The following KCNQ1 variants were observed in gnomAD, a reference collection of about 807,000 sequenced individuals.
The protein encoded by KCNQ1 is potassium voltage-gated channel subfamily KQT member 1.
A neutral mutation model predicts 72.4 loss-of-function variants in KCNQ1; 49 were observed. The observed-to-expected ratio is 0.68, with a 90% CI of 0.54 to 0.86. The LOEUF (loss-of-function observed/expected upper bound fraction) is 0.86, where lower values mean the gene tolerates loss of function less well. KCNQ1 is among the 40% of genes least tolerant of loss of function. The probability of loss-of-function intolerance (pLI) is 0.00; values close to 1 mark genes in which losing one functional copy is unlikely to be tolerated. For synonymous variants in KCNQ1, 450 were observed against 412.6 expected (o/e 1.09, Z -1.10); for missense variants, 790 against 945.1 (o/e 0.84, Z 2.15).
intron 2 of KCNQ1, among the ~76,000 whole-genome samples, chr11:2,540,603 T>A (rs1410524416): frequency 6.6e-6 from 1 of 152,234 alleles, no homozygotes; most frequent in Non-Finnish European, 1.5e-5. Context: ...CCAGCTGGCC[T>A]CAGGAGGAGT....
In KCNQ1 at chr11:2,682,475, CGAGTGAGTGAGT is replaced by C. The variant is rs3831584; in HGVS notation, c.1514+20415_1514+20426del. 13 of 393,984 alleles carry C rather than the reference CGAGTGAGTGAGT, an allele frequency of 3.3e-5. No homozygotes were observed. The highest frequency in any genetic ancestry group is 4.9e-5 in the Non-Finnish European group (11 of 224,528). 24.4% of individuals were successfully genotyped at this position (393,984 alleles called of 1,614,324 possible). On this transcript the variant is annotated intron_variant, in intron 11 of 15. Transcript: ENST00000155840. The surrounding 1 kb of genome is among the most constrained non-coding windows in gnomAD (Gnocchi z 5.8). ...TCACGGACCCTCAGTGAATGTTTGA[CGAGTGAGTGAGT>C]GAGTGAGTGAGTGAGTGAGTACTTG... is the stretch of plus-strand genomic sequence containing the variant.
chr11:2,811,506 A>G (rs1847484911), intron 15 of KCNQ1, among the ~76,000 whole-genome samples: 1 of 152,236 alleles, frequency 6.6e-6, no homozygotes, highest in Admixed American at 6.5e-5. Context: ...ACTGCCCTAA[A>G]GGCCGCATGA....
Position 2,687,584 on chromosome 11 carries a change from G to A in KCNQ1, c.1514+25503G>A, listed in dbSNP as rs1447858533. 5.0e-6 allele frequency: 2 copies of A among 398,784 alleles called. No homozygotes were observed. Among genetic ancestry groups the A allele is most frequent in the Non-Finnish European group, 8.8e-6 (2 of 226,178 alleles). The allele number at this position is 398,784 out of a possible 1,614,324, so 24.7% of individuals were successfully genotyped here. A position where few individuals can be genotyped will look rare whatever the true frequency, so the allele number is the denominator to read the frequency against. ...TCTGATGACCCCCTGTCAAGGAGGTGTGACTGAGAAAGGAAGGGGCAGAGA... is the reference window on the plus strand; with the variant it reads ...TCTGATGACCCCCTGTCAAGGAGGTATGACTGAGAAAGGAAGGGGCAGAGA... On this transcript the variant is annotated intron_variant, in intron 11 of 15. Transcript: ENST00000155840. The surrounding 1 kb of genome is among the most constrained non-coding windows in gnomAD (Gnocchi z 5.0).
intron 14 of KCNQ1, 41 bp downstream of exon 14, chr11:2,777,073 A>G (rs1283372158): frequency 5.6e-6 from 9 of 1,603,278 alleles, no homozygotes; most frequent in Non-Finnish European, 6.8e-6. Context: ...AGCAGCCTGC[A>G]ATGGACTCTC....
chr11:2,798,605 G>A (rs79600964), intron 15 of KCNQ1, among the ~76,000 whole-genome samples: 9 of 151,194 alleles, frequency 6.0e-5, no homozygotes, highest in East Asian at 3.9e-4. Context: ...CAAACAGAAC[G>A]AATTTTCTTG....
At position 2,794,254 on chromosome 11, in the gene KCNQ1, C is replaced by T. The variant is rs532879999; in HGVS notation, c.1794+16217C>T. Among the ~76,000 whole-genome samples the T allele has an allele frequency of 5.3e-5, 8 of 152,288 alleles. No homozygotes were observed. In the East Asian group the frequency reaches 9.7e-4, roughly 18 times the overall value. ...CCAGCCCCCAGTCTGCCAGCCCCAC[C>T]GATGAGAACAAGCAGACTGAGGGGA... On this transcript the variant is annotated intron_variant, in intron 15 of 15. Coordinates refer to ENST00000155840, the MANE Select transcript of KCNQ1 (RefSeq NM_000218.3).
chr11:2,822,120 A>T (rs1014925178), intron 15 of KCNQ1, among the ~76,000 whole-genome samples: 14 of 152,152 alleles, frequency 9.2e-5, no homozygotes, highest in Non-Finnish European at 1.9e-4. Flanking sequence ...AAGACGGAGG[A>T]GGGGCCACAG....
rs928963337 is a variant in KCNQ1 at position 2,488,334 on chromosome 11, G to T, written c.387-39594G>T. Among the ~76,000 whole-genome samples, 1 of 152,166 alleles carries T rather than the reference G, an allele frequency of 6.6e-6. No individual in the cohort carries two copies. The highest frequency in any genetic ancestry group is 2.4e-5 in the African/African-American group (1 of 41,448). ...GGTCTGTAGTTTTCTTGTAGTCTTT[G>T]TCTGGCTTTAGTATCAGAGTAATGC... is the stretch of plus-strand genomic sequence containing the variant. On this transcript the variant is annotated intron_variant, in intron 1 of 15. Transcript: ENST00000155840. The surrounding 1 kb of genome is among the most constrained non-coding windows in gnomAD (Gnocchi z 5.1).
intron 1 of KCNQ1, among the ~76,000 whole-genome samples, chr11:2,504,810 T>A (rs1404829914): frequency 6.6e-6 from 1 of 152,086 alleles, no homozygotes; most frequent in Non-Finnish European, 1.5e-5. Flanking sequence ...AAGGGGTAAA[T>A]GTTTGAGGTA....
intron 10 of KCNQ1, chr11:2,632,027 A>G: frequency 2.5e-6 from 1 of 396,294 alleles, no homozygotes; most frequent in East Asian, 3.6e-5. Flanking sequence ...CTAAAAATAC[A>G]AAAACATTAG....
chr11:2,722,251 A>T (rs1367058075), intron 11 of KCNQ1, among the ~76,000 whole-genome samples: 1 of 152,076 alleles, frequency 6.6e-6, no homozygotes, highest in East Asian at 1.9e-4. Context: ...AGGTGTTGAC[A>T]GGTGGAGAGA....
intron 10 of KCNQ1, chr11:2,641,328 C>CT (rs1204131541): frequency 2.5e-6 from 1 of 398,088 alleles, no homozygotes; most frequent in Non-Finnish European, 4.4e-6. Context: ...TAATTTTTGT[C>CT]TTTTTAAAAT....
At chr11:2,535,549 A>T (rs1847715401) in intron 2 of KCNQ1, among the ~76,000 whole-genome samples, 1 of 152,112 alleles carries the variant, frequency 6.6e-6, no homozygotes, top group East Asian at 1.9e-4. Context: ...CTTTAGTGAC[A>T]CTGAAGCTGT....
rs548782408 is a variant in KCNQ1, at chr11:2,657,683, C to T, written c.1394-4278C>T. On this transcript the variant is annotated intron_variant, in intron 10 of 15. Coordinates refer to ENST00000155840, the MANE Select transcript of KCNQ1 (RefSeq NM_000218.3). This position sits in a 1 kb window ranked among gnomAD's most constrained non-coding sequence, Gnocchi z 4.8. ...CAGTTTAACTACTAATGTCCTTTTTCTGTTCCAAGATCCCATCTAGGATCG... is the reference window on the plus strand; with the variant it reads ...CAGTTTAACTACTAATGTCCTTTTTTTGTTCCAAGATCCCATCTAGGATCG... 8 of 398,576 alleles carry T rather than the reference C, an allele frequency of 2.0e-5. No homozygotes were observed. Among genetic ancestry groups the T allele is most frequent in the Non-Finnish European group, 3.5e-5 (8 of 226,040 alleles). The allele number at this position is 398,576 out of a possible 1,614,324, so 24.7% of individuals were successfully genotyped here.
intron 10 of KCNQ1, among the ~76,000 whole-genome samples, chr11:2,591,738 C>T (rs1440491759): frequency 1.3e-5 from 2 of 152,234 alleles, no homozygotes; most frequent in African/African-American, 4.8e-5. Flanking sequence ...AAGTCAGGCG[C>T]CTTTTGTGGA....
intron 11 of KCNQ1, among the ~76,000 whole-genome samples, chr11:2,728,400 C>T (rs1269178115): frequency 6.6e-6 from 1 of 152,248 alleles, no homozygotes; most frequent in Non-Finnish European, 1.5e-5. Flanking sequence ...TGGTTAGCTG[C>T]TTTTTCTATA....
At position 2,609,277 on chromosome 11, in the gene KCNQ1, C is replaced by T. The variant is rs1848935340; in HGVS notation, c.1393+20423C>T. 3 of 398,002 alleles carry T rather than the reference C, an allele frequency of 7.5e-6. No homozygotes were observed. The South Asian group carries it at 3.8e-4, about 51-fold the overall frequency. 24.7% of individuals were successfully genotyped at this position (398,002 alleles called of 1,614,324 possible). A position where few individuals can be genotyped will look rare whatever the true frequency, so the allele number is the denominator to read the frequency against. ...CCATTTCCCTTGTGAATTCTTTCAC[C>T]CATTGATTATTTAAGAATGTAGTGT... On this transcript the variant is annotated intron_variant, in intron 10 of 15. Transcript: ENST00000155840.
At chr11:2,840,162 T>TACAATA (rs1848176893) in intron 15 of KCNQ1, 1 of 152,212 alleles carries the variant, frequency 6.6e-6, no homozygotes, top group Non-Finnish European at 1.5e-5. Context: ...CTTCATGTAT[T>TACAATA]ACAATAAAGT....
At chr11:2,461,331 T>C in intron 1 of KCNQ1, 3 of 966,762 alleles carry the variant, frequency 3.1e-6, no homozygotes, top group East Asian at 1.2e-4. Context: ...GTCTGGTTGC[T>C]GTCGTTCCTG....
Sources: allele counts gnomAD v4.1 joint callset (sites outside exome capture counted in the v4.1 genomes callset), GRCh38; gene constraint gnomAD v4.1.1; non-coding constraint Gnocchi (gnomAD v3.1); transcripts MANE v1.5; gene names NCBI Gene and HGNC (gene_info 2026-07-23, HGNC 2026-07-21).